Variants in KIF19 observed in about 807,000 individuals in gnomAD.
The protein encoded by KIF19 is kinesin-like protein KIF19.
In KIF19, 98 loss-of-function variants were observed where a neutral mutation model predicts 106.6. The observed-to-expected ratio is 0.92, with a 90% CI of 0.78 to 1.09. The LOEUF is 1.09. KIF19 is among the 50% of genes least tolerant of loss of function. The pLI is 0.00. For synonymous variants in KIF19, 516 were observed against 584.2 expected (o/e 0.88, Z 1.68); for missense variants, 1,373 against 1,414.3 (o/e 0.97, Z 0.47).
chr17:74,336,156 C>T (rs972329609), intron 2 of KIF19, among the ~76,000 whole-genome samples: 3 of 152,184 alleles, frequency 2.0e-5, no homozygotes, highest in African/African-American at 7.2e-5. Flanking sequence ...GCAACCTCTG[C>T]CTCCTGGGTT....
At chr17:74,333,863 C>CCT (rs2054155994) in intron 2 of KIF19, among the ~76,000 whole-genome samples, 2 of 132,622 alleles carry the variant, frequency 1.5e-5, no homozygotes, top group South Asian at 2.4e-4. Flanking sequence ...CTTTTTTTTT[C>CCT]TTTTTTTTTT....
rs977861022 is a variant in KIF19 at position 74,354,461 on chromosome 17, C to T, written c.2608C>T (p.Arg870Cys). The T allele has an allele frequency of 6.2e-6, 10 of 1,609,500 alleles. No homozygotes were observed. The highest frequency in any genetic ancestry group is 7.6e-6 in the Non-Finnish European group (9 of 1,178,490). Residue 870 changes from arginine (R) to cysteine (C), a missense_variant, in exon 18 of 20, where the codon CGT becomes TGT. Around this residue, in one of 3 missense-constraint regions of KIF19, gnomAD observed 1,020 missense variants for 1,008.2 expected, o/e 1.01. Transcript: ENST00000389916. ...TGGGGACGGCCCCAGGCCCTGGCTG[C>T]GTGGCCAGAAGAAAAGCCTGGGCAA... ...HHGDGPRPWL[R>C]GQKKSLGKKR...
chr17:74,338,333 C>A (rs1296008545), intron 2 of KIF19, among the ~76,000 whole-genome samples: 1 of 148,690 alleles, frequency 6.7e-6, no homozygotes, highest in Non-Finnish European at 1.5e-5. Context: ...GCTCATGCTG[C>A]AAGCTTTGGG....
intron 15 of KIF19, 50 bp from the exon 16 acceptor site, chr17:74,353,146 C>G: frequency 6.7e-7 from 1 of 1,495,952 alleles, no homozygotes; most frequent in South Asian, 1.2e-5. Flanking sequence ...GGTGGGACCT[C>G]GGTGAGATAG....
In KIF19 at chr17:74,355,205, G is replaced by A; in HGVS notation, c.2890G>A (p.Ala964Thr). ...NTGPGDSSPLAVPPNPGGGSR... is the reference protein window; with the variant it reads ...NTGPGDSSPLTVPPNPGGGSR... Reference sequence around the variant, plus strand: ...AGGCCCGGGGGACTCCTCACCCCTGGCTGTTCCCCCCAACCCAGGTGGTGG... The same window carrying A: ...AGGCCCGGGGGACTCCTCACCCCTGACTGTTCCCCCCAACCCAGGTGGTGG... Residue 964 changes from alanine (A) to threonine (T), a missense_variant, in exon 20 of 20, where the codon GCT (alanine) becomes ACT (threonine). Physicochemically the swap from Ala to Thr is moderately conservative, Grantham distance 58. Transcript: ENST00000389916. 6.2e-7 allele frequency: 1 copy of A among 1,609,790 alleles called. No homozygotes were observed.
At position 74,354,525 on chromosome 17, in the gene KIF19, G is replaced by A. The variant is rs199882589; in HGVS notation, c.2672G>A (p.Arg891Gln). 1,583 of 1,601,724 alleles carry A rather than the reference G, an allele frequency of 9.9e-4. 1 individual carries two copies. Among genetic ancestry groups the A allele is most frequent in the Non-Finnish European group, 1.3e-3 (1,525 of 1,175,130 alleles). ...TCGCTGGAGGCAAAGAGAAGGAAGC[G>A]GAGGTCCCGATCCTTCGAGGTCACC... ...EESLEAKRRK[R>Q]RSRSFEVTGQ... The change falls in exon 18 of 20, where the codon CGG becomes CAG. Residue 891 changes from arginine (R) to glutamine (Q), a missense_variant. Arg to Gln is a conservative substitution (Grantham distance 43, BLOSUM62 1). Around this residue, in one of 3 missense-constraint regions of KIF19, gnomAD observed 1,020 missense variants for 1,008.2 expected, o/e 1.01. Coordinates refer to ENST00000389916, the MANE Select transcript of KIF19 (RefSeq NM_153209.4).
Position 74,354,783 on chromosome 17 carries a change from T to C in KIF19, c.2708T>C (p.Leu903Pro). The C allele has an allele frequency of 1.3e-6, 2 of 1,554,884 alleles. No individual in the cohort carries two copies. Among genetic ancestry groups the C allele is most frequent in the Non-Finnish European group, 1.7e-6 (2 of 1,148,830 alleles). The change falls in exon 19 of 20, where the codon CTC (leucine) becomes CCC (proline). Residue 903 changes from leucine to proline, a missense_variant and splice_region_variant. Physicochemically the swap from Leu to Pro is moderately conservative, Grantham distance 98. Coordinates refer to ENST00000389916, the MANE Select transcript of KIF19 (RefSeq NM_153209.4). ...SRSFEVTGQGLSHPKTHLLGP... is the reference protein window; with the variant it reads ...SRSFEVTGQGPSHPKTHLLGP... ...CACCCCACTGTTCAACCATCACAGC[T>C]CTCCCACCCCAAGACACACCTCCTG...
At chr17:74,335,762 G>A (rs937965411) in intron 2 of KIF19, among the ~76,000 whole-genome samples, 4 of 152,242 alleles carry the variant, frequency 2.6e-5, no homozygotes, top group Admixed American at 2.0e-4. Flanking sequence ...CCAGAGACAG[G>A]CACCCAGTAT....
In KIF19 at chr17:74,355,356, T is replaced by G; in HGVS notation, c.*44T>G. ...GGCTCTCTCACCTCCCAAGACTGAA[T>G]GGGGTCTAGCAGGGCATGGGAGGTG... On this transcript the variant is annotated 3_prime_UTR_variant, in exon 20 of 20. Transcript: ENST00000389916. 1 of 1,552,554 alleles carries G rather than the reference T, an allele frequency of 6.4e-7. No homozygotes were observed. Among genetic ancestry groups the G allele is most frequent in the African/African-American group, 1.4e-5 (1 of 73,822 alleles).
chr17:74,347,679 A>T, intron 8 of KIF19, 98 bp from the exon 9 acceptor site: 1 of 1,413,082 alleles, frequency 7.1e-7, no homozygotes, highest in Non-Finnish European at 9.6e-7. Flanking sequence ...GTAAAGAGAC[A>T]GAGAGATTGC....
chr17:74,347,691 C>T lies in KIF19; in HGVS notation c.925-86C>T, dbSNP rs2054575545. The T allele has an allele frequency of 9.4e-6, 14 of 1,483,358 alleles. No homozygotes were observed. The East Asian group carries it at 9.9e-5, about 11-fold the overall frequency. 91.9% of individuals were successfully genotyped at this position (1,483,358 alleles called of 1,614,324 possible). On this transcript the variant is annotated intron_variant, in intron 8 of 19. Transcript: ENST00000389916. The stretch of plus-strand genomic sequence containing the variant: ...AGTGTAAAGAGACAGAGAGATTGCA[C>T]TCGCCAGGGAGGGCATCGTGAACAG...
rs1381712208 is a variant in KIF19, at chr17:74,352,231, C to G, written c.1871C>G (p.Ala624Gly). 6.2e-6 allele frequency: 10 copies of G among 1,611,942 alleles called. No homozygotes were observed. The highest frequency in any genetic ancestry group is 8.5e-6 in the Non-Finnish European group (10 of 1,179,250). Reference protein sequence around the residue: ...QRQIIDDYNLAVPQRLEELYE... With the variant: ...QRQIIDDYNLGVPQRLEELYE... Reference sequence around the variant, plus strand: ...CCTTCCCCAGCAGACTACAACCTGGCCGTCCCGCAGCGCCTGGAAGAGCTC... The same window carrying G: ...CCTTCCCCAGCAGACTACAACCTGGGCGTCCCGCAGCGCCTGGAAGAGCTC... The change falls in exon 14 of 20, where the codon GCC becomes GGC. Residue 624 changes from alanine to glycine, a missense_variant. Ala to Gly is a moderately conservative substitution (Grantham distance 60). Coordinates refer to ENST00000389916, the MANE Select transcript of KIF19 (RefSeq NM_153209.4).
intron 2 of KIF19, chr17:74,328,788 A>C: frequency 2.3e-5 from 7 of 309,742 alleles, no homozygotes; most frequent in Non-Finnish European, 2.5e-5. Context: ...CCACCCTAAT[A>C]TGCCTGCTGC....
chr17:74,353,987 T>C (rs919141591), intron 17 of KIF19, among the ~76,000 whole-genome samples, 175 bp from the exon 18 acceptor site: 6 of 152,228 alleles, frequency 3.9e-5, no homozygotes, highest in Admixed American at 2.6e-4. Context: ...CATCCCCCAT[T>C]TGCAGATGAA....
chr17:74,328,599 C>G, intron 2 of KIF19, 94 bp downstream of exon 2: 1 of 970,942 alleles, frequency 1.0e-6, no homozygotes. Context: ...CTGTGGCTTG[C>G]AGCACCCTCC....
chr17:74,346,792 C>T lies in KIF19; in HGVS notation c.924+268C>T, dbSNP rs1179277705. 2.6e-5 allele frequency among the ~76,000 whole-genome samples: 4 copies of T among 152,176 alleles called. No individual in the cohort carries two copies. The highest frequency in any genetic ancestry group is 1.9e-4 in the East Asian group (1 of 5,204). On this transcript the variant is annotated intron_variant, in intron 8 of 19. Transcript: ENST00000389916. The surrounding 1 kb of genome is among the most constrained non-coding windows in gnomAD (Gnocchi z 4.6). ...TGGGCAATGGGAAGGAAAAGGAGCACGTGATACCCCCACCCAGGGCTGTGG... is the reference window on the plus strand; with the variant it reads ...TGGGCAATGGGAAGGAAAAGGAGCATGTGATACCCCCACCCAGGGCTGTGG...
rs1396453770 is a variant in KIF19, at chr17:74,346,726, C to G, written c.924+202C>G. ...TTGCATATCTGAAATTCAAATTTAACTGGGTATCCTGTATTTTATCTGACG... is the reference window on the plus strand; with the variant it reads ...TTGCATATCTGAAATTCAAATTTAAGTGGGTATCCTGTATTTTATCTGACG... On this transcript the variant is annotated intron_variant, in intron 8 of 19. Coordinates refer to ENST00000389916, the MANE Select transcript of KIF19 (RefSeq NM_153209.4). This position sits in a 1 kb window ranked among gnomAD's most constrained non-coding sequence, Gnocchi z 4.6. 6.6e-6 allele frequency among the ~76,000 whole-genome samples: 1 copy of G among 152,160 alleles called. No individual in the cohort carries two copies. The highest frequency in any genetic ancestry group is 2.1e-4 in the South Asian group (1 of 4,830).
Position 74,328,514 on chromosome 17 carries a change from G to A in KIF19, c.120+9G>A. ...ATAAAGTGGATGAGCAGGTATGCAG[G>A]GCTCTGCAGCAGGAGCTGCAGGGCA... On this transcript the variant is annotated intron_variant, in intron 2 of 19. Coordinates refer to ENST00000389916, the MANE Select transcript of KIF19 (RefSeq NM_153209.4). The A allele has an allele frequency of 6.3e-7, 1 of 1,598,940 alleles. No homozygotes were observed. The highest frequency in any genetic ancestry group is 8.5e-7 in the Non-Finnish European group (1 of 1,173,168).
At chr17:74,349,911 G>A (rs1446762838) in intron 10 of KIF19, among the ~76,000 whole-genome samples, 1 of 151,742 alleles carries the variant, frequency 6.6e-6, no homozygotes, top group Admixed American at 6.6e-5. Context: ...CGATTCTTCT[G>A]CCTCAGCCTC....
Sources: gnomAD v4.1 joint callset for allele counts (sites outside exome capture counted in the v4.1 genomes callset) on GRCh38, gnomAD v4.1.1 for gene constraint, gnomAD v4.1.1 regional missense constraint, Gnocchi (gnomAD v3.1) non-coding constraint, MANE v1.5 for transcripts, NCBI Gene and HGNC (gene_info 2026-07-23, HGNC 2026-07-21) for gene names.